ALKAL1: variants seen among roughly 807,000 people sequenced by gnomAD.
ALKAL1 encodes the protein ALK and LTK ligand 1.
Under a neutral mutation model 13.5 loss-of-function variants are expected in ALKAL1, and 23 were observed. The observed-to-expected ratio is 1.70, with a 90% CI of 1.23 to 2.41. ALKAL1 has a LOEUF of 2.41. Ranked by LOEUF, ALKAL1 falls within the 30% of genes most tolerant of loss-of-function variation. ALKAL1 has a pLI of 0.00. For synonymous variants in ALKAL1, 85 were observed against 77.7 expected, an observed-to-expected ratio of 1.09 and a Z score of -0.49; for missense variants, 181 against 178.4, an observed-to-expected ratio of 1.01 and a Z score of -0.08.
intron 1 of ALKAL1, among the ~76,000 whole-genome samples, chr8:52,542,957 G>C (rs1271044313): frequency 6.6e-6 from 1 of 152,202 alleles, no homozygotes; most frequent in Non-Finnish European, 1.5e-5. Context: ...TGCCTTGGCA[G>C]TGGCCTCCTA....
chr8:52,547,296 G>A (rs1463907400), intron 1 of ALKAL1, among the ~76,000 whole-genome samples: 5 of 151,934 alleles, frequency 3.3e-5, no homozygotes, highest in South Asian at 2.1e-4. Context: ...TCAGGAGTTC[G>A]AGACCAGCCT....
intron 1 of ALKAL1, among the ~76,000 whole-genome samples, chr8:52,558,136 ATATATATACACG>A (rs1284296747): frequency 1.3e-5 from 2 of 151,054 alleles, no homozygotes; most frequent in Non-Finnish European, 2.9e-5. Context: ...TCTACTACAT[ATATATATACACG>A]TATATATACA....
chr8:52,536,917 A>G (rs1443216265), intron 4 of ALKAL1, among the ~76,000 whole-genome samples: 4 of 152,230 alleles, frequency 2.6e-5, no homozygotes, highest in Non-Finnish European at 4.4e-5. Flanking sequence ...ATTTGGACCG[A>G]GTTTTAACAT....
intron 1 of ALKAL1, among the ~76,000 whole-genome samples, chr8:52,554,618 T>C (rs1354454968): frequency 6.6e-6 from 1 of 152,142 alleles, no homozygotes; most frequent in African/African-American, 2.4e-5. Context: ...ATAAGGAGTA[T>C]ACGAATTTAA....
At position 52,542,348 on chromosome 8, in the gene ALKAL1, C is replaced by G. The variant is rs143240639; in HGVS notation, c.244+44G>C. 653 of 1,281,806 alleles carry G rather than the reference C, an allele frequency of 5.1e-4. 3 individuals carry two copies. The highest frequency in any genetic ancestry group is 2.5e-3 in the Middle Eastern group (13 of 5,302). 79.4% of individuals were successfully genotyped at this position (1,281,806 alleles called of 1,614,324 possible). ...CCTGACATAGTATTCTGCACACAGT[C>G]TTTTTATTTAGTTAATGGAATCACT... On this transcript the variant is annotated intron_variant, in intron 2 of 4. Coordinates refer to ENST00000358543, the MANE Select transcript of ALKAL1 (RefSeq NM_207413.4).
At chr8:52,558,966 C>T (rs532340620) in intron 1 of ALKAL1, among the ~76,000 whole-genome samples, 6 of 152,102 alleles carry the variant, frequency 3.9e-5, no homozygotes, top group Non-Finnish European at 5.9e-5. Flanking sequence ...TGAAGGGGAG[C>T]CGCTGTGTGC....
chr8:52,561,923 T>C (rs1847554922), intron 1 of ALKAL1, among the ~76,000 whole-genome samples: 1 of 152,190 alleles, frequency 6.6e-6, no homozygotes, highest in African/African-American at 2.4e-5. Flanking sequence ...TTGCTAACAG[T>C]ACCCTTACAC....
At chr8:52,541,844 G>T (rs1009816821) in intron 2 of ALKAL1, among the ~76,000 whole-genome samples, 3 of 151,814 alleles carry the variant, frequency 2.0e-5, no homozygotes, top group African/African-American at 7.3e-5. Flanking sequence ...AATTTATATT[G>T]CCCCCTCCCT....
chr8:52,535,550 C>CAAAAAAAAAAAAAAAAAAA (rs10719477), intron 4 of ALKAL1, among the ~76,000 whole-genome samples: 1 of 68,630 alleles, frequency 1.5e-5, no homozygotes, highest in Non-Finnish European at 2.6e-5. Context: ...GACCCTGTCT[C>CAAAAAAAAAAAAAAAAAAA]AAAAAAAAAA....
chr8:52,554,926 C>T (rs1203687885), intron 1 of ALKAL1, among the ~76,000 whole-genome samples: 3 of 152,192 alleles, frequency 2.0e-5, no homozygotes, highest in African/African-American at 7.2e-5. Flanking sequence ...AATCCCAGCA[C>T]TTTGGGAGGC....
At position 52,565,260 on chromosome 8, in the gene ALKAL1, C is replaced by G. The variant is rs1419946469; in HGVS notation, c.-4G>C. ...CGCCGGGCTTAAGGGGCCGCATGTT[C>G]GCAAGCCGGGAGGAGAGAGCGGGAG... On this transcript the variant is annotated 5_prime_UTR_variant, in exon 1 of 5. Transcript: ENST00000358543. The G allele has an allele frequency of 7.7e-7, 1 of 1,305,196 alleles. No individual in the cohort carries two copies. The highest frequency in any genetic ancestry group is 9.8e-7 in the Non-Finnish European group (1 of 1,019,220). The allele number at this position is 1,305,196 out of a possible 1,614,324, so 80.9% of individuals were successfully genotyped here.
chr8:52,558,148 GTATATATACACACGTA>G (rs1341906020), intron 1 of ALKAL1, among the ~76,000 whole-genome samples: 1 of 148,978 alleles, frequency 6.7e-6, no homozygotes, highest in Non-Finnish European at 1.5e-5. Context: ...ATATATACAC[GTATATATACACACGTA>G]TATATATACA....
intron 1 of ALKAL1, among the ~76,000 whole-genome samples, chr8:52,544,455 G>T (rs1847346313): frequency 6.6e-6 from 1 of 152,156 alleles, no homozygotes; most frequent in African/African-American, 2.4e-5. Flanking sequence ...AGAAGAGGTG[G>T]GTGAGACAAG....
chr8:52,559,325 G>A (rs956655858), intron 1 of ALKAL1, among the ~76,000 whole-genome samples: 4 of 152,198 alleles, frequency 2.6e-5, no homozygotes, highest in Admixed American at 2.0e-4. Context: ...ACACTGGAAC[G>A]TATAGCTGTA....
chr8:52,553,241 G>A (rs1847447026), intron 1 of ALKAL1, among the ~76,000 whole-genome samples: 2 of 152,040 alleles, frequency 1.3e-5, no homozygotes, highest in South Asian at 4.1e-4. Flanking sequence ...CATGCTATTT[G>A]GGAGGCTGAG....
intron 1 of ALKAL1, among the ~76,000 whole-genome samples, chr8:52,564,564 C>T (rs769035471): frequency 3.3e-5 from 5 of 152,144 alleles, no homozygotes; most frequent in Non-Finnish European, 5.9e-5. Context: ...GGAAAGGTGC[C>T]AGTAACATAA....
intron 1 of ALKAL1, among the ~76,000 whole-genome samples, chr8:52,560,224 AAATTTT>A (rs1400736174): frequency 3.9e-5 from 6 of 152,192 alleles, no homozygotes; most frequent in African/African-American, 1.4e-4. Context: ...ACATTTAATA[AAATTTT>A]AATTTTATTA....
chr8:52,549,943 AAAAT>A lies in ALKAL1; in HGVS notation c.191-7502_191-7499del, dbSNP rs555908601. ...GGTGACAGAGTGAGACTCCATCTCA[AAAAT>A]AAATAAATACATAAAAATACTAAAT... On this transcript the variant is annotated intron_variant, in intron 1 of 4. Transcript: ENST00000358543. Among the ~76,000 whole-genome samples, 43 of 152,348 alleles carry A rather than the reference AAAAT, an allele frequency of 2.8e-4. 2 individuals are homozygous for A. The South Asian group carries it at 8.9e-3, about 32-fold the overall frequency.
At chr8:52,548,841 G>T (rs887131404) in intron 1 of ALKAL1, among the ~76,000 whole-genome samples, 1 of 151,894 alleles carries the variant, frequency 6.6e-6, no homozygotes, top group African/African-American at 2.4e-5. Flanking sequence ...CTCCTCAATT[G>T]TAAGTTTACA....
Sources: allele counts gnomAD v4.1 joint callset (sites outside exome capture counted in the v4.1 genomes callset), GRCh38; gene constraint gnomAD v4.1.1; transcripts MANE v1.5; gene names NCBI Gene and HGNC (gene_info 2026-07-23, HGNC 2026-07-21).